The following NAV2 variants were observed in gnomAD, a reference collection of about 807,000 sequenced individuals.
NAV2 encodes the protein neuron navigator 2.
Under a neutral mutation model 223.2 loss-of-function variants are expected in NAV2, and 54 were observed. The ratio of observed to expected loss-of-function variants is 0.24; its 90% CI spans 0.19 to 0.30. NAV2 has a LOEUF of 0.30. Ranked by LOEUF, NAV2 falls within the 10% of genes least tolerant of loss-of-function variation. The pLI, the probability that NAV2 is intolerant of heterozygous loss-of-function variation, is 1.00. For missense variants in NAV2, 2,806 were observed against 3,147.5 expected (o/e 0.89, Z 2.60); for synonymous variants, 1,279 against 1,239.3 (o/e 1.03, Z -0.67).
rs116473476 is a variant in NAV2, at chr11:19,381,430, A to C, written c.75+30403A>C. Among the ~76,000 whole-genome samples the C allele has an allele frequency of 3.3e-5, 5 of 152,346 alleles. No individual in the cohort carries two copies. In the East Asian group the frequency reaches 9.6e-4, roughly 29 times the overall value. Reference sequence around the variant, plus strand: ...AATGAATGAAGTCATAAATGGTAAAATATAGTCCAGGTGCTGGGGATCTTT... The same window carrying C: ...AATGAATGAAGTCATAAATGGTAAACTATAGTCCAGGTGCTGGGGATCTTT... On this transcript the variant is annotated intron_variant, in intron 1 of 37. Coordinates refer to the NAV2 transcript ENST00000360655.
At chr11:19,515,806 T>C (rs897098721) in intron 1 of NAV2, among the ~76,000 whole-genome samples, 3 of 152,196 alleles carry the variant, frequency 2.0e-5, no homozygotes, top group African/African-American at 7.2e-5. Context: ...TGGGAAGTGC[T>C]AGGACTGTGG....
chr11:19,851,185 C>A (rs966909374), intron 3 of NAV2, among the ~76,000 whole-genome samples: 2 of 152,206 alleles, frequency 1.3e-5, no homozygotes, highest in Non-Finnish European at 2.9e-5. Context: ...AGTTGAGTAA[C>A]TTGCCCAAGG....
intron 10 of NAV2, among the ~76,000 whole-genome samples, chr11:19,983,561 C>G (rs78934051): frequency 0.049 from 7,516 of 152,176 alleles, 306 homozygotes; most frequent in African/African-American, 0.11. Flanking sequence ...TGTGATATTC[C>G]CACATGTCAC....
chr11:19,670,687 A>G (rs1202297911), intron 1 of NAV2, among the ~76,000 whole-genome samples: 1 of 152,152 alleles, frequency 6.6e-6, no homozygotes, highest in East Asian at 1.9e-4. Flanking sequence ...TCCACACCCA[A>G]AGGAAGGCCC....
At chr11:19,824,902 A>G (rs546422027) in intron 1 of NAV2, among the ~76,000 whole-genome samples, 14 of 152,210 alleles carry the variant, frequency 9.2e-5, no homozygotes, top group Admixed American at 3.9e-4. Context: ...GTGTTCAAGG[A>G]CAGAATGAAC....
At chr11:20,017,103 A>G (rs968332338) in intron 11 of NAV2, among the ~76,000 whole-genome samples, 1 of 152,152 alleles carries the variant, frequency 6.6e-6, no homozygotes, top group Non-Finnish European at 1.5e-5. Context: ...CCAGAAAAGA[A>G]TAGAGGAAGT....
rs199984326 is a variant in NAV2, at chr11:19,937,360, G to A, written c.2034-2301G>A. On this transcript the variant is annotated intron_variant, in intron 7 of 37. Transcript: ENST00000349880. ...TATAACTTATAATTGCTCCCCCCCC[G>A]CCCACCAAAACCTCTCCATGTTAAA... Among the ~76,000 whole-genome samples, 506 of 102,504 alleles carry A rather than the reference G, an allele frequency of 4.9e-3. 15 individuals are homozygous for A. The South Asian group carries it at 0.12, about 24-fold the overall frequency. The allele number at this position is 102,504 out of a possible 152,430, so 67.2% of individuals were successfully genotyped here. A position where few individuals can be genotyped will look rare whatever the true frequency, so the allele number is the denominator to read the frequency against.
At chr11:19,753,673 T>C (rs2054019890) in intron 1 of NAV2, among the ~76,000 whole-genome samples, 1 of 152,214 alleles carries the variant, frequency 6.6e-6, no homozygotes, top group Non-Finnish European at 1.5e-5. Context: ...TGTCCCCTGC[T>C]CCCAGTAGCC....
chr11:19,596,545 G>T (rs2046210682), intron 1 of NAV2, among the ~76,000 whole-genome samples: 1 of 152,186 alleles, frequency 6.6e-6, no homozygotes, highest in Non-Finnish European at 1.5e-5. Flanking sequence ...ACGGCTCTGT[G>T]CTCCAGGCCC....
intron 1 of NAV2, among the ~76,000 whole-genome samples, chr11:19,630,226 A>G (rs1314087936): frequency 6.6e-6 from 1 of 152,196 alleles, no homozygotes; most frequent in African/African-American, 2.4e-5. Context: ...TGTGTCATCA[A>G]TATCTCCATC....
chr11:20,084,087 C>CTTTTGG (rs1343825603), intron 26 of NAV2, among the ~76,000 whole-genome samples: 8 of 152,098 alleles, frequency 5.3e-5, no homozygotes, highest in African/African-American at 1.9e-4. Flanking sequence ...TTATGACCTT[C>CTTTTGG]TTTTGGTTTT....
At chr11:20,087,392 A>G (rs1040321852) in intron 26 of NAV2, among the ~76,000 whole-genome samples, 1 of 152,178 alleles carries the variant, frequency 6.6e-6, no homozygotes, top group African/African-American at 2.4e-5. Flanking sequence ...GTAGGCTGAG[A>G]GCAAATGCTT....
In NAV2 at chr11:19,582,657, T is replaced by C. The variant is rs539933232; in HGVS notation, c.75+231630T>C. ...CCATTTCTAGTTTTTTTCAGGTTTG[T>C]CAAAGATCAGATAGTTGTAGATATG... On this transcript the variant is annotated intron_variant, in intron 1 of 37. Coordinates refer to the NAV2 transcript ENST00000360655. Among the ~76,000 whole-genome samples, 5 of 152,374 alleles carry C rather than the reference T, an allele frequency of 3.3e-5. No individual in the cohort carries two copies. The East Asian group carries it at 9.6e-4, about 29-fold the overall frequency.
chr11:19,933,946 G>A lies in NAV2; in HGVS notation c.1702G>A (p.Gly568Arg), dbSNP rs766703127. ...TTCCCACAGTGGAATACCAAAACCA[G>A]GAATGAAAAGCATGCCCGGGAAATC... Reference protein sequence around the residue: ...APSHSGIPKPGMKSMPGKSPS... With the variant: ...APSHSGIPKPRMKSMPGKSPS... Residue 568 changes from glycine to arginine, a missense_variant, in exon 7 of 38, where the codon GGA becomes AGA. By Grantham distance (125) the Gly-to-Arg change is moderately radical. Around this residue, in one of 4 missense-constraint regions of NAV2, gnomAD observed 1,167 missense variants for 1,180.5 expected, o/e 0.99. Transcript: ENST00000349880. The surrounding 1 kb of genome is among the most constrained non-coding windows in gnomAD (Gnocchi z 4.3). 1.3e-6 allele frequency: 2 copies of A among 1,596,904 alleles called. No individual in the cohort carries two copies. Among genetic ancestry groups the A allele is most frequent in the Admixed American group, 1.8e-5 (1 of 56,534 alleles).
At chr11:19,760,479 A>G (rs990466503) in intron 1 of NAV2, among the ~76,000 whole-genome samples, 1 of 152,190 alleles carries the variant, frequency 6.6e-6, no homozygotes, top group African/African-American at 2.4e-5. Context: ...AGAACCATGC[A>G]CACCAACCAT....
intron 1 of NAV2, among the ~76,000 whole-genome samples, chr11:19,459,541 G>C (rs925564074): frequency 6.6e-6 from 1 of 152,214 alleles, no homozygotes; most frequent in Non-Finnish European, 1.5e-5. Flanking sequence ...ATGAGTGGAG[G>C]ACAGTCATCT....
intron 5 of NAV2, among the ~76,000 whole-genome samples, chr11:19,881,694 G>C (rs763721969): frequency 2.0e-5 from 3 of 152,178 alleles, no homozygotes; most frequent in Non-Finnish European, 4.4e-5. Flanking sequence ...CGAGGTGCCT[G>C]CTCTCCTATG....
intron 3 of NAV2, among the ~76,000 whole-genome samples, chr11:19,843,261 ATG>A: frequency 6.6e-6 from 1 of 152,220 alleles, no homozygotes; most frequent in East Asian, 1.9e-4. Flanking sequence ...CCACATCAAT[ATG>A]TGTTTGTGTA....
intron 1 of NAV2, among the ~76,000 whole-genome samples, chr11:19,738,464 G>T (rs181006553): frequency 6.6e-6 from 1 of 152,330 alleles, no homozygotes; most frequent in East Asian, 1.9e-4. Context: ...CTTGGTTCTG[G>T]AGAAAATACG....
Sources: allele counts gnomAD v4.1 joint callset (sites outside exome capture counted in the v4.1 genomes callset), GRCh38; gene constraint gnomAD v4.1.1; regional missense constraint gnomAD v4.1.1; non-coding constraint Gnocchi (gnomAD v3.1); transcripts MANE v1.5; gene names NCBI Gene and HGNC (gene_info 2026-07-23, HGNC 2026-07-21).